Variants in SPAG16 observed in about 807,000 individuals in gnomAD.
SPAG16 encodes sperm associated antigen 16.
A neutral mutation model predicts 80.4 loss-of-function variants in SPAG16; 86 were observed. That is an observed-to-expected ratio of 1.07 (90% CI 0.90 to 1.28). SPAG16 has a LOEUF of 1.28. Ranked by LOEUF, SPAG16 falls within the 50% of genes most tolerant of loss-of-function variation. The pLI is 0.00. For synonymous variants in SPAG16, 294 were observed against 265.9 expected (o/e 1.11, Z -1.03); for missense variants, 870 against 765.3 (o/e 1.14, Z -1.61).
At chr2:213,851,280 G>A (rs897628626) in intron 10 of SPAG16, among the ~76,000 whole-genome samples, 2 of 152,066 alleles carry the variant, frequency 1.3e-5, no homozygotes, top group Admixed American at 6.6e-5. Context: ...TTGGCAGGCC[G>A]AGGCAGATTA....
intron 10 of SPAG16, among the ~76,000 whole-genome samples, chr2:213,733,527 G>A (rs1213397716): frequency 1.5e-5 from 2 of 131,252 alleles, no homozygotes; most frequent in Non-Finnish European, 3.1e-5. Context: ...TTTGGTGTGT[G>A]TCTTCATGAG....
chr2:213,730,665 C>A (rs2066990401), intron 10 of SPAG16, among the ~76,000 whole-genome samples: 1 of 152,062 alleles, frequency 6.6e-6, no homozygotes, highest in Non-Finnish European at 1.5e-5. Flanking sequence ...TGTAGTTCTC[C>A]TACTTGGTGT....
rs147879673 is a variant in SPAG16 at position 214,299,869 on chromosome 2, T to C, written c.1721-110271T>C. Among the ~76,000 whole-genome samples, 737 of 152,338 alleles carry C rather than the reference T, an allele frequency of 4.8e-3. 1 individual carries two copies. Among genetic ancestry groups the C allele is most frequent in the Middle Eastern group, 0.014 (4 of 294 alleles). On this transcript the variant is annotated intron_variant, in intron 15 of 15. Transcript: ENST00000331683. ...AAGTATCAGAATAACTTGGTGTTTCTGGGCCTATTAGAAAGTGACATTTCT... is the reference window on the plus strand; with the variant it reads ...AAGTATCAGAATAACTTGGTGTTTCCGGGCCTATTAGAAAGTGACATTTCT...
chr2:213,475,686 G>GT (rs1463245311), intron 9 of SPAG16, among the ~76,000 whole-genome samples: 26 of 152,182 alleles, frequency 1.7e-4, no homozygotes, highest in Non-Finnish European at 2.9e-4. Context: ...CTAGCCTTCT[G>GT]TTGTTGACTT....
chr2:213,784,585 G>T (rs2070211245), intron 10 of SPAG16, among the ~76,000 whole-genome samples: 1 of 109,528 alleles, frequency 9.1e-6, no homozygotes, highest in East Asian at 3.1e-4. Flanking sequence ...AAGTAAATTT[G>T]TAATAGGAAA....
chr2:214,296,250 G>T (rs1037857082), intron 15 of SPAG16, among the ~76,000 whole-genome samples: 2 of 152,152 alleles, frequency 1.3e-5, no homozygotes, highest in African/African-American at 4.8e-5. Flanking sequence ...TTTTATGGTT[G>T]CATAGAATTC....
chr2:214,012,282 A>ATT (rs1286363943), intron 12 of SPAG16, among the ~76,000 whole-genome samples: 1,538 of 50,468 alleles, frequency 0.03, 87 homozygotes, highest in Non-Finnish European at 0.037. Context: ...ATATATATAT[A>ATT]TATATATTTT....
chr2:213,406,319 A>G (rs2068604713), intron 9 of SPAG16, among the ~76,000 whole-genome samples: 1 of 152,174 alleles, frequency 6.6e-6, no homozygotes, highest in African/African-American at 2.4e-5. Context: ...GAAGATGGAA[A>G]AGCCCTGCTT....
intron 8 of SPAG16, among the ~76,000 whole-genome samples, chr2:213,368,181 G>A (rs1283626610): frequency 2.6e-5 from 4 of 152,120 alleles, no homozygotes; most frequent in African/African-American, 4.8e-5. Context: ...TGCTGTTTTG[G>A]TTACTGTAGC....
chr2:213,742,632 A>C (rs2067617421), intron 10 of SPAG16, among the ~76,000 whole-genome samples: 1 of 147,164 alleles, frequency 6.8e-6, no homozygotes, highest in African/African-American at 2.5e-5. Context: ...CCTCACTGCA[A>C]CCTCCACCTC....
chr2:213,856,741 G>A lies in SPAG16; in HGVS notation c.1071-5744G>A, dbSNP rs192256059. Among the ~76,000 whole-genome samples the A allele has an allele frequency of 3.3e-5, 5 of 152,302 alleles. No individual in the cohort carries two copies. The East Asian group carries it at 9.7e-4, about 29-fold the overall frequency. ...CTGTTAGTCATTGCTGGGATGCAGG[G>A]CACCGAGTCCCAAGACTGCACAAAG... On this transcript the variant is annotated intron_variant, in intron 10 of 15. Coordinates refer to ENST00000331683, the MANE Select transcript of SPAG16 (RefSeq NM_024532.5).
chr2:213,286,527 T>A (rs1056061915), intron 1 of SPAG16, among the ~76,000 whole-genome samples: 7 of 152,222 alleles, frequency 4.6e-5, no homozygotes, highest in Admixed American at 4.6e-4. Context: ...GCAATTATGA[T>A]AGTTGCCAAA....
At chr2:214,314,101 G>T (rs1484606726) in intron 15 of SPAG16, among the ~76,000 whole-genome samples, 1 of 151,830 alleles carries the variant, frequency 6.6e-6, no homozygotes, top group African/African-American at 2.4e-5. Context: ...ACATTGCATT[G>T]TTACTACAAA....
At chr2:214,394,145 C>T (rs1447716763) in intron 15 of SPAG16, among the ~76,000 whole-genome samples, 3 of 152,132 alleles carry the variant, frequency 2.0e-5, no homozygotes, top group Non-Finnish European at 4.4e-5. Flanking sequence ...AGGCATCTCT[C>T]TTTGTCTCTG....
intron 10 of SPAG16, among the ~76,000 whole-genome samples, chr2:213,634,054 C>G (rs1431635347): frequency 6.6e-6 from 1 of 152,056 alleles, no homozygotes; most frequent in African/African-American, 2.4e-5. Context: ...GGAATTACTT[C>G]TGCCATTTTG....
intron 14 of SPAG16, among the ~76,000 whole-genome samples, chr2:214,134,013 G>A (rs141193044): frequency 8.7e-4 from 132 of 152,290 alleles, no homozygotes; most frequent in African/African-American, 3.1e-3. Context: ...ATTTAAGAGA[G>A]AGTTGTGAAT....
At chr2:214,376,557 C>G (rs771119227) in intron 15 of SPAG16, among the ~76,000 whole-genome samples, 1 of 152,004 alleles carries the variant, frequency 6.6e-6, no homozygotes, top group Non-Finnish European at 1.5e-5. Flanking sequence ...TGGTTTGACA[C>G]TATATTTTCT....
chr2:214,085,557 T>C (rs17228000), intron 13 of SPAG16, among the ~76,000 whole-genome samples: 21,540 of 152,170 alleles, frequency 0.14, 1,736 homozygotes, highest in Admixed American at 0.19. Context: ...AATTCCCAAA[T>C]ATAAAATCAT....
At chr2:213,336,159 C>A (rs895120424) in intron 5 of SPAG16, among the ~76,000 whole-genome samples, 18 of 152,188 alleles carry the variant, frequency 1.2e-4, no homozygotes, top group Admixed American at 1.0e-3. Context: ...GAAAACCTTG[C>A]TTTTGTCATG....
Sources: gnomAD v4.1 joint callset for allele counts (sites outside exome capture counted in the v4.1 genomes callset) on GRCh38, gnomAD v4.1.1 for gene constraint, MANE v1.5 for transcripts, NCBI Gene and HGNC (gene_info 2026-07-23, HGNC 2026-07-21) for gene names.